KCNQ1: variants seen among roughly 807,000 people sequenced by gnomAD.
KCNQ1 encodes the protein potassium voltage-gated channel subfamily Q member 1.
In KCNQ1, 49 loss-of-function variants were observed where a neutral mutation model predicts 72.4. That is an observed-to-expected ratio of 0.68 (90% confidence interval 0.54 to 0.86). The LOEUF is 0.86. Ranked by LOEUF, KCNQ1 falls within the 40% of genes least tolerant of loss-of-function variation. KCNQ1 has a pLI of 0.00. For synonymous variants in KCNQ1, 450 were observed against 412.6 expected, an observed-to-expected ratio of 1.09 and a Z score of -1.10; for missense variants, 790 against 945.1, an observed-to-expected ratio of 0.84 and a Z score of 2.15.
At chr11:2,640,588 A>T (rs1356564101) in intron 10 of KCNQ1, 1 of 396,860 alleles carries the variant, frequency 2.5e-6, no homozygotes, top group Non-Finnish European at 4.4e-6. Flanking sequence ...TGACCGATAC[A>T]TAATACTTAT....
chr11:2,702,967 A>C (rs1850844249), intron 11 of KCNQ1, among the ~76,000 whole-genome samples: 1 of 152,122 alleles, frequency 6.6e-6, no homozygotes, highest in Admixed American at 6.5e-5. Context: ...CGCCTCCTCT[A>C]GTCCTTTGGG....
rs35181224 is a variant in KCNQ1 at position 2,764,198 on chromosome 11, C to CTT, written c.1515-4635_1515-4634dup. On this transcript the variant is annotated intron_variant, in intron 11 of 15. Coordinates refer to ENST00000155840, the MANE Select transcript of KCNQ1 (RefSeq NM_000218.3). The surrounding 1 kb of genome is among the most constrained non-coding windows in gnomAD (Gnocchi z 4.8). ...TGGGTTTTTTTGTTTTAGTTTTTGTCTTTTTTTTTTTTAGGTAATGGAGTT... is the reference window on the plus strand; with the variant it reads ...TGGGTTTTTTTGTTTTAGTTTTTGTCTTTTTTTTTTTTTTAGGTAATGGAGTT... Among the ~76,000 whole-genome samples the CTT allele has an allele frequency of 1.4e-5, 2 of 144,652 alleles. No homozygotes were observed. The highest frequency in any genetic ancestry group is 2.5e-5 in the African/African-American group (1 of 39,230). 94.9% of individuals were successfully genotyped at this position (144,652 alleles called of 152,430 possible).
intron 10 of KCNQ1, among the ~76,000 whole-genome samples, chr11:2,589,180 G>A (rs965104986): frequency 5.9e-5 from 9 of 152,194 alleles, no homozygotes; most frequent in Admixed American, 2.6e-4. Context: ...CCGAGCCCAC[G>A]GGCTCTGGTT....
At chr11:2,793,016 G>C (rs1231312861) in intron 15 of KCNQ1, among the ~76,000 whole-genome samples, 1 of 152,148 alleles carries the variant, frequency 6.6e-6, no homozygotes. Flanking sequence ...GTGGCTGCCT[G>C]TCTGCTGCCC....
In KCNQ1 at chr11:2,516,377, G is replaced by A. The variant is rs1847289500; in HGVS notation, c.387-11551G>A. The stretch of plus-strand genomic sequence containing the variant: ...TCATGCCTGGGACCGCTGACCCACC[G>A]GGATTCTTGGGGGCCACCATAGAGC... On this transcript the variant is annotated intron_variant, in intron 1 of 15. Transcript: ENST00000155840. The surrounding 1 kb of genome is among the most constrained non-coding windows in gnomAD (Gnocchi z 7.0). 6.6e-6 allele frequency among the ~76,000 whole-genome samples: 1 copy of A among 152,054 alleles called. No individual in the cohort carries two copies. The highest frequency in any genetic ancestry group is 1.5e-5 in the Non-Finnish European group (1 of 68,004).
In KCNQ1 at chr11:2,543,368, G is replaced by A. The variant is rs1029997317; in HGVS notation, c.477+15350G>A. ...AGCTCACTGCAACCTCGAATTCCTGGGCTCCGAGGATCCTCCCACCTCAGC... is the reference window on the plus strand; with the variant it reads ...AGCTCACTGCAACCTCGAATTCCTGAGCTCCGAGGATCCTCCCACCTCAGC... On this transcript the variant is annotated intron_variant, in intron 2 of 15. Transcript: ENST00000155840. The surrounding 1 kb of genome is among the most constrained non-coding windows in gnomAD (Gnocchi z 5.6). Among the ~76,000 whole-genome samples the A allele has an allele frequency of 6.6e-6, 1 of 151,904 alleles. No individual in the cohort carries two copies. Among genetic ancestry groups the A allele is most frequent in the African/African-American group, 2.4e-5 (1 of 41,334 alleles).
rs36157752 is a variant in KCNQ1, at chr11:2,458,633, CTGGATGGATGGATGGATGGATGGATGGA to C, written c.386+13175_386+13202del. ...GCTCCCATCCACAATGCTTCCTTGC[CTGGATGGATGGATGGATGGATGGATGGA>C]TGGATGGATGGATGGATGGATGGAT... On this transcript the variant is annotated intron_variant, in intron 1 of 15. Transcript: ENST00000155840. This position sits in a 1 kb window ranked among gnomAD's most constrained non-coding sequence, Gnocchi z 4.6. 0.25 allele frequency among the ~76,000 whole-genome samples: 36,781 copies of C among 149,876 alleles called. 4,925 individuals carry two copies. Among genetic ancestry groups the C allele is most frequent in the East Asian group, 0.37 (1,878 of 5,078 alleles).
At chr11:2,829,760 TAGTC>T (rs1190885963) in intron 15 of KCNQ1, among the ~76,000 whole-genome samples, 18 of 151,786 alleles carry the variant, frequency 1.2e-4, no homozygotes, top group Admixed American at 1.2e-3. Flanking sequence ...AGCCAAGAGA[TAGTC>T]GGTAGGGTTG....
At position 2,784,948 on chromosome 11, in the gene KCNQ1, A is replaced by G. The variant is rs1341121530; in HGVS notation, c.1794+6911A>G. ...CTATTGATTTCTTAAGATTTTCTAC[A>G]TATAGGATCATGTCTTGTGGCAATA... On this transcript the variant is annotated intron_variant, in intron 15 of 15. Transcript: ENST00000155840. This position sits in a 1 kb window ranked among gnomAD's most constrained non-coding sequence, Gnocchi z 4.7. Among the ~76,000 whole-genome samples, 1 of 151,958 alleles carries G rather than the reference A, an allele frequency of 6.6e-6. No individual in the cohort carries two copies. The highest frequency in any genetic ancestry group is 2.4e-5 in the African/African-American group (1 of 41,440).
intron 10 of KCNQ1, chr11:2,629,851 T>C: frequency 2.5e-6 from 1 of 398,070 alleles, no homozygotes; most frequent in East Asian, 3.6e-5. Context: ...TTTCTACATA[T>C]ATGATGTCAT....
rs919242944 is a variant in KCNQ1 at position 2,471,554 on chromosome 11, A to G, written c.386+26070A>G. Reference sequence around the variant, plus strand: ...AAGCATGGCAGTATCACAGCCTCACAGGCACATGTGTATGTGTGTGTGTGC... The same window carrying G: ...AAGCATGGCAGTATCACAGCCTCACGGGCACATGTGTATGTGTGTGTGTGC... On this transcript the variant is annotated intron_variant, in intron 1 of 15. Transcript: ENST00000155840. The surrounding 1 kb of genome is among the most constrained non-coding windows in gnomAD (Gnocchi z 4.8). Among the ~76,000 whole-genome samples the G allele has an allele frequency of 3.8e-5, 5 of 132,834 alleles. No individual in the cohort carries two copies. In the South Asian group the frequency reaches 1.3e-3, roughly 35 times the overall value. 87.1% of individuals were successfully genotyped at this position (132,834 alleles called of 152,430 possible).
Position 2,777,440 on chromosome 11 carries a change from C to G in KCNQ1, c.1732+408C>G, listed in dbSNP as rs1846728193. The G allele has an allele frequency of 5.7e-6, 3 of 530,468 alleles. No homozygotes were observed. The African/African-American group carries it at 5.7e-5, about 10-fold the overall frequency. The allele number at this position is 530,468 out of a possible 1,614,324, so 32.9% of individuals were successfully genotyped here. A position where few individuals can be genotyped will look rare whatever the true frequency, so the allele number is the denominator to read the frequency against. ...CTCAAGTTGAGAGGGACAGAAGCAC[C>G]TGGCTGCAGCCTGGGGGCTGGTTTT... On this transcript the variant is annotated intron_variant, in intron 14 of 15. Transcript: ENST00000155840.
intron 11 of KCNQ1, chr11:2,681,619 ACCCAACCTCC>A (rs1279062813): frequency 4.9e-5 from 5 of 102,224 alleles, no homozygotes; most frequent in Non-Finnish European, 9.4e-5. Flanking sequence ...CCCCACCCCC[ACCCAACCTCC>A]CCCAACCTAT....
At chr11:2,643,204 A>C in intron 10 of KCNQ1, 2 of 398,268 alleles carry the variant, frequency 5.0e-6, no homozygotes, top group Non-Finnish European at 8.9e-6. Flanking sequence ...TTTAAATCCA[A>C]TGTTTCTTTG....
chr11:2,729,604 T>C (rs1185433363), intron 11 of KCNQ1, among the ~76,000 whole-genome samples: 1 of 152,234 alleles, frequency 6.6e-6, no homozygotes, highest in African/African-American at 2.4e-5. Context: ...TTGTACAGGC[T>C]TTTTGTCTTG....
intron 11 of KCNQ1, among the ~76,000 whole-genome samples, chr11:2,740,743 A>G (rs1788832964): frequency 6.6e-6 from 1 of 152,186 alleles, no homozygotes; most frequent in South Asian, 2.1e-4. Context: ...CCCTTGGATC[A>G]TGGCCCCTCC....
At chr11:2,467,154 C>A (rs185167500) in intron 1 of KCNQ1, among the ~76,000 whole-genome samples, 1 of 151,966 alleles carries the variant, frequency 6.6e-6, no homozygotes, top group Admixed American at 6.5e-5. Context: ...AGGGCCTGGG[C>A]CTCCCTGGGG....
At chr11:2,757,942 G>A (rs1846331191) in intron 11 of KCNQ1, among the ~76,000 whole-genome samples, 1 of 118,686 alleles carries the variant, frequency 8.4e-6, no homozygotes, top group Admixed American at 9.4e-5. Flanking sequence ...TAAATATGAA[G>A]TGTACAACTC....
At chr11:2,580,209 A>C (rs2133745293) in intron 6 of KCNQ1, among the ~76,000 whole-genome samples, 1 of 151,190 alleles carries the variant, frequency 6.6e-6, no homozygotes, top group Middle Eastern at 3.4e-3. Flanking sequence ...AGCCCCCCTC[A>C]GGCCAATTCC....
Sources: allele counts gnomAD v4.1 joint callset (sites outside exome capture counted in the v4.1 genomes callset), GRCh38; gene constraint gnomAD v4.1.1; non-coding constraint Gnocchi (gnomAD v3.1); transcripts MANE v1.5; gene names NCBI Gene and HGNC (gene_info 2026-07-23, HGNC 2026-07-21).